GLRA3: variants seen among roughly 807,000 people sequenced by gnomAD.
GLRA3 encodes the protein glycine receptor alpha 3, also known as glycine receptor subunit alpha-3.
In GLRA3, 44 loss-of-function variants were observed where a neutral mutation model predicts 60.4. The ratio of observed to expected loss-of-function variants is 0.73; its 90% CI spans 0.57 to 0.94. The LOEUF is 0.94. Among genes scored for constraint, GLRA3 ranks in the 40% least tolerant of loss-of-function variants. GLRA3 has a pLI of 0.00. For missense variants in GLRA3, 508 were observed against 564.6 expected, an observed-to-expected ratio of 0.90 and a Z score of 1.02; for synonymous variants, 223 against 192.9, an observed-to-expected ratio of 1.16 and a Z score of -1.29.
chr4:174,772,281 A>G (rs1408319071), intron 2 of GLRA3, among the ~76,000 whole-genome samples: 1 of 152,192 alleles, frequency 6.6e-6, no homozygotes, highest in African/African-American at 2.4e-5. Flanking sequence ...TTCCTCCAAT[A>G]AGAAGCAGAA....
chr4:174,688,617 T>TGTGTGA (rs1491231516), intron 5 of GLRA3, among the ~76,000 whole-genome samples: 4 of 145,866 alleles, frequency 2.7e-5, no homozygotes, highest in African/African-American at 7.7e-5. Flanking sequence ...TGTGTGTGTG[T>TGTGTGA]GACGTTATTT....
intron 5 of GLRA3, among the ~76,000 whole-genome samples, chr4:174,699,140 G>A (rs1248151450): frequency 1.3e-5 from 2 of 151,928 alleles, no homozygotes; most frequent in African/African-American, 4.8e-5. Flanking sequence ...TGGGACTACA[G>A]GCGTATGTCA....
At chr4:174,745,896 G>A (rs944417160) in intron 3 of GLRA3, among the ~76,000 whole-genome samples, 1 of 151,628 alleles carries the variant, frequency 6.6e-6, no homozygotes, top group Admixed American at 6.6e-5. Flanking sequence ...ATCTTAAAAA[G>A]TGCTCAACAT....
chr4:174,658,206 A>G (rs537747358), intron 8 of GLRA3, among the ~76,000 whole-genome samples: 200 of 152,312 alleles, frequency 1.3e-3, no homozygotes, highest in African/African-American at 4.7e-3. Context: ...ACAATTACAC[A>G]AAATTTTGAC....
At chr4:174,808,787 A>G (rs1740148930) in intron 1 of GLRA3, among the ~76,000 whole-genome samples, 1 of 152,180 alleles carries the variant, frequency 6.6e-6, no homozygotes, top group Non-Finnish European at 1.5e-5. Flanking sequence ...TAACAAAAAA[A>G]AAATTTAAAT....
intron 5 of GLRA3, among the ~76,000 whole-genome samples, chr4:174,714,459 C>T (rs1233589852): frequency 6.6e-6 from 1 of 152,132 alleles, no homozygotes; most frequent in Non-Finnish European, 1.5e-5. Context: ...TATTTAAGAA[C>T]TACTTATAAA....
At chr4:174,784,801 G>C (rs1739054073) in intron 2 of GLRA3, among the ~76,000 whole-genome samples, 1 of 151,898 alleles carries the variant, frequency 6.6e-6, no homozygotes, top group South Asian at 2.1e-4. Flanking sequence ...TATTTAATAG[G>C]ACTAAGATAT....
chr4:174,659,058 T>C lies in GLRA3; in HGVS notation c.1067A>G (p.Asn356Ser). 6.2e-7 allele frequency: 1 copy of C among 1,612,268 alleles called. No homozygotes were observed. The highest frequency in any genetic ancestry group is 1.1e-5 in the South Asian group (1 of 90,970). Residue 356 changes from asparagine to serine, a missense_variant, in exon 8 of 10, where the codon AAT becomes AGT. Coordinates refer to ENST00000274093, the MANE Select transcript of GLRA3 (RefSeq NM_006529.4). ...CCAATACGTTTAATCACTTACCTTA[T>C]TCTTTCTCTTTCGTCGAAATCTCAG... is the stretch of plus-strand genomic sequence containing the variant. ...ELLRFRRKRK[N>S]KTEAFALEKF...
At chr4:174,661,526 C>A (rs1249874379) in intron 7 of GLRA3, among the ~76,000 whole-genome samples, 8 of 152,140 alleles carry the variant, frequency 5.3e-5, no homozygotes, top group Admixed American at 2.6e-4. Context: ...TTTTTGTGTG[C>A]AGATTGTTGT....
intron 9 of GLRA3, among the ~76,000 whole-genome samples, chr4:174,646,130 T>C (rs1317922951): frequency 6.6e-6 from 1 of 152,190 alleles, no homozygotes; most frequent in African/African-American, 2.4e-5. Flanking sequence ...GACATGTTAA[T>C]TGAAGCAGTT....
Position 174,710,786 on chromosome 4 carries a change from A to AT in GLRA3, c.574+4701dup, listed in dbSNP as rs535083598. On this transcript the variant is annotated intron_variant, in intron 5 of 9. Transcript: ENST00000274093. ...GTATTTTTGATATTCAATCAACCTA[A>AT]TTTTTTTTTCTTTAAATAATTTCTC... Among the ~76,000 whole-genome samples the AT allele has an allele frequency of 4.0e-5, 6 of 151,204 alleles. No homozygotes were observed. In the South Asian group the frequency reaches 6.3e-4, roughly 16 times the overall value.
At chr4:174,709,845 G>A (rs982088870) in intron 5 of GLRA3, among the ~76,000 whole-genome samples, 1 of 151,998 alleles carries the variant, frequency 6.6e-6, no homozygotes, top group African/African-American at 2.4e-5. Context: ...TTCAACTTTA[G>A]TGCAGTTATT....
chr4:174,663,723 A>G (rs1733551098), intron 7 of GLRA3, among the ~76,000 whole-genome samples: 1 of 152,162 alleles, frequency 6.6e-6, no homozygotes, highest in South Asian at 2.1e-4. Flanking sequence ...TGGGGCTAGT[A>G]ACTTTAAAAT....
chr4:174,701,888 T>A (rs917316817), intron 5 of GLRA3, among the ~76,000 whole-genome samples: 1 of 151,970 alleles, frequency 6.6e-6, no homozygotes, highest in Non-Finnish European at 1.5e-5. Flanking sequence ...AGATAAGGAG[T>A]TGCTTCTTAA....
intron 3 of GLRA3, among the ~76,000 whole-genome samples, chr4:174,762,165 G>A (rs1737965651): frequency 6.6e-6 from 1 of 152,060 alleles, no homozygotes; most frequent in South Asian, 2.1e-4. Flanking sequence ...CGTTATGGGT[G>A]GTTGTTTTCT....
chr4:174,828,722 TAAA>T lies in GLRA3; in HGVS notation c.71+16_71+18del. 1 of 1,551,326 alleles carries T rather than the reference TAAA, an allele frequency of 6.4e-7. No homozygotes were observed. The highest frequency in any genetic ancestry group is 8.9e-7 in the Non-Finnish European group (1 of 1,122,794). ...CAGGCTTAATGAGTTCTCCGACTGT[TAAA>T]TCCAAGCGAACTCACCTGAGTAACA... is the stretch of plus-strand genomic sequence containing the variant. On this transcript the variant is annotated intron_variant, in intron 1 of 9. Coordinates refer to ENST00000274093, the MANE Select transcript of GLRA3 (RefSeq NM_006529.4).
intron 1 of GLRA3, among the ~76,000 whole-genome samples, chr4:174,817,422 A>C (rs898392459): frequency 6.6e-6 from 1 of 152,056 alleles, no homozygotes; most frequent in African/African-American, 2.4e-5. Context: ...AAGGGAGAAA[A>C]ATCTTTCTTA....
At chr4:174,793,928 T>G in intron 1 of GLRA3, among the ~76,000 whole-genome samples, 1 of 152,204 alleles carries the variant, frequency 6.6e-6, no homozygotes, top group South Asian at 2.1e-4. Context: ...TCTTAATTAA[T>G]TTTAGATTTA....
intron 3 of GLRA3, among the ~76,000 whole-genome samples, chr4:174,737,176 AAATTT>A (rs1736831461): frequency 6.6e-6 from 1 of 152,206 alleles, no homozygotes. Context: ...GTGTAAGATC[AAATTT>A]TACCAAAATA....
Sources: allele counts gnomAD v4.1 joint callset (sites outside exome capture counted in the v4.1 genomes callset), GRCh38; gene constraint gnomAD v4.1.1; transcripts MANE v1.5; gene names NCBI Gene and HGNC (gene_info 2026-07-23, HGNC 2026-07-21).